Variants in SLF1 observed in about 807,000 individuals in gnomAD.
SLF1 encodes SMC5-SMC6 complex localization factor protein 1.
SLF1 carries 105 observed loss-of-function variants against 123.0 expected under a neutral mutation model. The observed-to-expected ratio is 0.85, with a 90% CI of 0.73 to 1.00. The LOEUF (loss-of-function observed/expected upper bound fraction) is 1.00. SLF1 is among the 50% of genes least tolerant of loss of function. The pLI is 0.00. For synonymous variants in SLF1, 434 were observed against 406.6 expected (o/e 1.07, Z -0.81); for missense variants, 1,239 against 1,223.0 (o/e 1.01, Z -0.20).
chr5:94,685,036 A>T (rs1752257115), intron 15 of SLF1, among the ~76,000 whole-genome samples: 1 of 152,212 alleles, frequency 6.6e-6, no homozygotes, highest in African/African-American at 2.4e-5. Flanking sequence ...GGCAACCAGA[A>T]ATTACCAAAT....
At chr5:94,635,318 G>A (rs1184217942) in intron 4 of SLF1, among the ~76,000 whole-genome samples, 2 of 137,920 alleles carry the variant, frequency 1.5e-5, no homozygotes, top group Non-Finnish European at 3.0e-5. Flanking sequence ...TTGGTCTCCC[G>A]TAGGCAGTAC....
chr5:94,672,172 CTG>C (rs377584816), intron 14 of SLF1, among the ~76,000 whole-genome samples: 1 of 152,168 alleles, frequency 6.6e-6, no homozygotes, highest in Non-Finnish European at 1.5e-5. Context: ...TTATTCATAA[CTG>C]ATATATCATG....
At chr5:94,691,510 T>G in intron 18 of SLF1, 54 bp from the exon 19 acceptor site, 1 of 1,447,016 alleles carries the variant, frequency 6.9e-7, no homozygotes, top group Non-Finnish European at 9.5e-7. Context: ...TTGATTATTT[T>G]TTTTAGTTGA....
At position 94,668,684 on chromosome 5, in the gene SLF1, T is replaced by C. The variant is rs185504586; in HGVS notation, c.1533-1467T>C. 9.9e-4 allele frequency among the ~76,000 whole-genome samples: 150 copies of C among 152,284 alleles called. 1 individual carries two copies. The highest frequency in any genetic ancestry group is 3.1e-4 in the Non-Finnish European group (21 of 68,024). ...TTGTAGAGGTGAAGTCTCCCTGTGTTGCCCAGGCTGGTCTCAAATTCCTGG... is the reference window on the plus strand; with the variant it reads ...TTGTAGAGGTGAAGTCTCCCTGTGTCGCCCAGGCTGGTCTCAAATTCCTGG... On this transcript the variant is annotated intron_variant, in intron 12 of 20. Coordinates refer to ENST00000265140, the MANE Select transcript of SLF1 (RefSeq NM_032290.4).
intron 18 of SLF1, 138 bp from the exon 19 acceptor site, chr5:94,691,426 T>A: frequency 4.0e-6 from 1 of 247,164 alleles, no homozygotes; most frequent in Non-Finnish European, 7.6e-6. Context: ...ATGCAGGGGA[T>A]GTTTAAACCA....
chr5:94,658,437 G>GTTGTTA (rs2152482861), intron 9 of SLF1, among the ~76,000 whole-genome samples: 1 of 151,798 alleles, frequency 6.6e-6, no homozygotes, highest in East Asian at 1.9e-4. Flanking sequence ...GTTTGTTGTT[G>GTTGTTA]TTGTTGTTGT....
chr5:94,662,393 A>T (rs999362371), intron 10 of SLF1, 42 bp downstream of exon 10: 22 of 1,469,364 alleles, frequency 1.5e-5, no homozygotes, highest in Middle Eastern at 3.5e-4. Context: ...GGCAAAGAAG[A>T]AGTTTTGTGT....
intron 14 of SLF1, among the ~76,000 whole-genome samples, chr5:94,677,480 C>T (rs1390033287): frequency 1.3e-5 from 2 of 151,962 alleles, no homozygotes; most frequent in Non-Finnish European, 2.9e-5. Context: ...TATACATGAA[C>T]AGAATGTTAT....
intron 9 of SLF1, among the ~76,000 whole-genome samples, chr5:94,659,819 T>C (rs1322112547): frequency 6.6e-6 from 1 of 152,020 alleles, no homozygotes; most frequent in Non-Finnish European, 1.5e-5. Context: ...GGTGGCTTGC[T>C]TGGGTGCCAG....
chr5:94,662,486 AT>A (rs1340418857), intron 10 of SLF1, 135 bp downstream of exon 10: 2 of 640,104 alleles, frequency 3.1e-6, no homozygotes, highest in Admixed American at 4.2e-5. Flanking sequence ...ATAAAGAAAT[AT>A]AGCTTCTCTA....
chr5:94,688,758 T>C, intron 17 of SLF1, 89 bp downstream of exon 17: 1 of 1,438,952 alleles, frequency 6.9e-7, no homozygotes, highest in African/African-American at 1.4e-5. Flanking sequence ...TTATCTGTGA[T>C]ACTGTCTGAA....
At chr5:94,668,373 G>A (rs1750059554) in intron 12 of SLF1, among the ~76,000 whole-genome samples, 2 of 152,110 alleles carry the variant, frequency 1.3e-5, no homozygotes, top group South Asian at 4.2e-4. Flanking sequence ...TCGCTCTGTT[G>A]CCCAGGCTGG....
In SLF1 at chr5:94,688,516, A is replaced by G; in HGVS notation, c.2132A>G (p.Tyr711Cys). 6.2e-7 allele frequency: 1 copy of G among 1,613,962 alleles called. No individual in the cohort carries two copies. Among genetic ancestry groups the G allele is most frequent in the South Asian group, 1.1e-5 (1 of 91,046 alleles). Residue 711 changes from tyrosine (Y) to cysteine (C), a missense_variant, in exon 17 of 21, where the codon TAT becomes TGT. Physicochemically the swap from Tyr to Cys is radical, Grantham distance 194. Coordinates refer to ENST00000265140, the MANE Select transcript of SLF1 (RefSeq NM_032290.4). The part of the protein sequence containing the change: ...PLSLQKMVYS[Y>C]LPALGKTGVL... The stretch of plus-strand genomic sequence containing the variant: ...ATTATTTTTCAACAGGTATATTCCT[A>G]TTTACCAGCCTTGGGGAAAACTGGT...
intron 12 of SLF1, among the ~76,000 whole-genome samples, chr5:94,669,374 G>A (rs1212865914): frequency 4.6e-5 from 7 of 152,100 alleles, no homozygotes; most frequent in Admixed American, 4.6e-4. Flanking sequence ...AAAGTTATAA[G>A]TGCATTGTTG....
At chr5:94,643,787 T>A (rs1388135387) in intron 5 of SLF1, among the ~76,000 whole-genome samples, 1 of 152,186 alleles carries the variant, frequency 6.6e-6, no homozygotes, top group East Asian at 1.9e-4. Flanking sequence ...TGTCCTGTCC[T>A]ATTCCCCTAC....
chr5:94,671,160 T>C (rs1392929811), intron 14 of SLF1, among the ~76,000 whole-genome samples, 152 bp downstream of exon 14: 2 of 151,802 alleles, frequency 1.3e-5, no homozygotes, highest in Non-Finnish European at 3.0e-5. Context: ...AGTTTTAAGG[T>C]AAAAGGTCCT....
intron 7 of SLF1, among the ~76,000 whole-genome samples, chr5:94,652,417 CTGTG>C (rs758240313): frequency 6.6e-6 from 1 of 152,086 alleles, no homozygotes; most frequent in African/African-American, 2.4e-5. Flanking sequence ...GTTTTAACAG[CTGTG>C]TGTGTATCTC....
At chr5:94,675,765 C>T (rs1275582565) in intron 14 of SLF1, among the ~76,000 whole-genome samples, 2 of 152,034 alleles carry the variant, frequency 1.3e-5, no homozygotes, top group Non-Finnish European at 2.9e-5. Flanking sequence ...TCCTCGAAAT[C>T]ACTGCAAGAC....
chr5:94,674,169 TC>T (rs924341134), intron 14 of SLF1, among the ~76,000 whole-genome samples: 2 of 152,194 alleles, frequency 1.3e-5, no homozygotes, highest in African/African-American at 2.4e-5. Context: ...TTTCTTTTTT[TC>T]ATTCATTTGA....
Sources: gnomAD v4.1 joint callset for allele counts (sites outside exome capture counted in the v4.1 genomes callset) on GRCh38, gnomAD v4.1.1 for gene constraint, MANE v1.5 for transcripts, NCBI Gene and HGNC (gene_info 2026-07-23, HGNC 2026-07-21) for gene names.